THSD7B: variants seen among roughly 807,000 people sequenced by gnomAD.
THSD7B encodes thrombospondin type-1 domain-containing protein 7B.
In THSD7B, 138 loss-of-function variants were observed where a neutral mutation model predicts 213.6. The ratio of observed to expected loss-of-function variants is 0.65; its 90% CI spans 0.56 to 0.74. The LOEUF is 0.74. Ranked by LOEUF, THSD7B falls within the 30% of genes least tolerant of loss-of-function variation. The pLI is 0.00. For synonymous variants in THSD7B, 742 were observed against 687.0 expected, an observed-to-expected ratio of 1.08 and a Z score of -1.25; for missense variants, 1,931 against 1,991.5, an observed-to-expected ratio of 0.97 and a Z score of 0.58.
intron 7 of THSD7B, among the ~76,000 whole-genome samples, chr2:137,226,347 T>A (rs963870709): frequency 2.0e-5 from 3 of 151,780 alleles, no homozygotes; most frequent in Non-Finnish European, 2.9e-5. Context: ...AGGTTTTTTT[T>A]ATTTTCTTTT....
At chr2:137,546,160 G>A (rs1680704134) in intron 15 of THSD7B, among the ~76,000 whole-genome samples, 1 of 148,506 alleles carries the variant, frequency 6.7e-6, no homozygotes, top group Non-Finnish European at 1.5e-5. Context: ...TTCAAATCTA[G>A]ACACTATACA....
chr2:137,167,575 T>G lies in THSD7B; in HGVS notation c.1526-3166T>G, dbSNP rs114887173. On this transcript the variant is annotated intron_variant, in intron 6 of 27. Coordinates refer to ENST00000409968, the MANE Select transcript of THSD7B (RefSeq NM_001316349.2). ...ACCCTCCGGAGCCTCTTTTAATTCT[T>G]CCATGGCTTCAATTAAAAAACACTG... 7.0e-3 allele frequency among the ~76,000 whole-genome samples: 1,063 copies of G among 152,248 alleles called. 10 individuals carry two copies. The highest frequency in any genetic ancestry group is 0.022 in the African/African-American group (920 of 41,554).
intron 17 of THSD7B, among the ~76,000 whole-genome samples, chr2:137,611,667 C>A (rs547092152): frequency 1.3e-5 from 2 of 152,042 alleles, no homozygotes; most frequent in South Asian, 4.1e-4. Flanking sequence ...AACAAAAAAA[C>A]ACTTATTTGG....
chr2:137,073,324 TA>T (rs1687540666), intron 3 of THSD7B, among the ~76,000 whole-genome samples: 1 of 152,246 alleles, frequency 6.6e-6, no homozygotes, highest in South Asian at 2.1e-4. Flanking sequence ...CTTCCTGGTT[TA>T]GTCTTGGGAG....
chr2:137,080,116 A>C (rs1687713845), intron 3 of THSD7B, among the ~76,000 whole-genome samples: 1 of 151,966 alleles, frequency 6.6e-6, no homozygotes, highest in Non-Finnish European at 1.5e-5. Context: ...TGCTGGGATT[A>C]CAGGCGTGAG....
chr2:136,945,214 G>A (rs1160884791), intron 2 of THSD7B, among the ~76,000 whole-genome samples: 1 of 152,090 alleles, frequency 6.6e-6, no homozygotes, highest in Non-Finnish European at 1.5e-5. Context: ...TTGAATATTG[G>A]CCCCAACTCT....
intron 14 of THSD7B, among the ~76,000 whole-genome samples, chr2:137,450,274 C>G (rs1687622211): frequency 6.6e-6 from 1 of 152,232 alleles, no homozygotes; most frequent in South Asian, 2.1e-4. Context: ...CAAAGCTGTA[C>G]TTCAACCCAC....
chr2:137,131,617 C>G (rs1688734123), intron 5 of THSD7B, among the ~76,000 whole-genome samples: 1 of 152,190 alleles, frequency 6.6e-6, no homozygotes, highest in Non-Finnish European at 1.5e-5. Context: ...GTTTTCCCAG[C>G]ACCATTTATT....
At chr2:136,941,335 T>G (rs762913857) in intron 2 of THSD7B, among the ~76,000 whole-genome samples, 7 of 152,216 alleles carry the variant, frequency 4.6e-5, no homozygotes, top group Non-Finnish European at 1.0e-4. Flanking sequence ...TGTGTCTTTA[T>G]AGTAGCATGA....
At chr2:137,159,210 T>C (rs555702418) in intron 5 of THSD7B, among the ~76,000 whole-genome samples, 1 of 152,178 alleles carries the variant, frequency 6.6e-6, no homozygotes, top group Admixed American at 6.5e-5. Flanking sequence ...TGAAGGCAGA[T>C]TGCTTGAGCC....
At chr2:136,990,254 C>T (rs1424200513) in intron 2 of THSD7B, among the ~76,000 whole-genome samples, 3 of 152,224 alleles carry the variant, frequency 2.0e-5, no homozygotes, top group African/African-American at 7.2e-5. Context: ...TTTATGTTCT[C>T]ATACATTATA....
chr2:136,867,668 T>C (rs1271569231), intron 1 of THSD7B, among the ~76,000 whole-genome samples: 2 of 152,202 alleles, frequency 1.3e-5, no homozygotes, highest in Non-Finnish European at 2.9e-5. Flanking sequence ...CTTTAATGCA[T>C]TCATGATGCG....
intron 1 of THSD7B, among the ~76,000 whole-genome samples, chr2:136,879,046 T>G (rs556302426): frequency 1.3e-5 from 2 of 152,348 alleles, no homozygotes; most frequent in East Asian, 3.9e-4. Flanking sequence ...TTTTATGGTT[T>G]TAGGTCTAAC....
At chr2:136,928,626 AT>A (rs1486616828) in intron 2 of THSD7B, among the ~76,000 whole-genome samples, 1 of 152,204 alleles carries the variant, frequency 6.6e-6, no homozygotes, top group African/African-American at 2.4e-5. Flanking sequence ...CATACAAAAA[AT>A]AACTGTATTT....
At chr2:136,890,180 T>C (rs1381645146) in intron 2 of THSD7B, among the ~76,000 whole-genome samples, 1 of 152,030 alleles carries the variant, frequency 6.6e-6, no homozygotes, top group Admixed American at 6.6e-5. Flanking sequence ...TCTTTTTTTA[T>C]CCATGAAGTC....
chr2:137,209,212 G>A (rs1295144540), intron 7 of THSD7B, among the ~76,000 whole-genome samples: 3 of 151,940 alleles, frequency 2.0e-5, no homozygotes. Flanking sequence ...GGTTTCAATT[G>A]CTCCTTTCCA....
chr2:137,016,119 C>T lies in THSD7B; in HGVS notation c.140-40301C>T, dbSNP rs983146101. On this transcript the variant is annotated intron_variant, in intron 2 of 27. Coordinates refer to ENST00000409968, the MANE Select transcript of THSD7B (RefSeq NM_001316349.2). ...TTACAGGGGGAAATTGCATTTCATCCTCACAAGAACCTTGTAAGGTAGGTA... is the reference window on the plus strand; with the variant it reads ...TTACAGGGGGAAATTGCATTTCATCTTCACAAGAACCTTGTAAGGTAGGTA... 2.2e-4 allele frequency among the ~76,000 whole-genome samples: 34 copies of T among 152,238 alleles called. No homozygotes were observed. In the East Asian group the frequency reaches 2.9e-3, roughly 13 times the overall value.
intron 7 of THSD7B, among the ~76,000 whole-genome samples, chr2:137,214,174 AC>A: frequency 6.6e-6 from 1 of 152,180 alleles, no homozygotes; most frequent in East Asian, 1.9e-4. Flanking sequence ...TTTCTCATAT[AC>A]CTTGTTTTTC....
At chr2:137,197,695 C>A (rs1680792990) in intron 7 of THSD7B, among the ~76,000 whole-genome samples, 1 of 152,126 alleles carries the variant, frequency 6.6e-6, no homozygotes, top group Non-Finnish European at 1.5e-5. Flanking sequence ...CAGAAAGAAT[C>A]CATTCTTGGG....
Sources: allele counts gnomAD v4.1 joint callset (sites outside exome capture counted in the v4.1 genomes callset), GRCh38; gene constraint gnomAD v4.1.1; transcripts MANE v1.5; gene names NCBI Gene and HGNC (gene_info 2026-07-23, HGNC 2026-07-21).